Variants in DOK6 observed in about 807,000 individuals in gnomAD.
DOK6 encodes the protein downstream of tyrosine kinase 6.
In DOK6, 22 loss-of-function variants were observed where a neutral mutation model predicts 44.0. That is an observed-to-expected ratio of 0.50 (90% CI 0.36 to 0.71). DOK6 has a LOEUF of 0.71. Among genes scored for constraint, DOK6 ranks in the 30% least tolerant of loss-of-function variants. The probability of loss-of-function intolerance (pLI) is 0.00; values close to 1 mark genes in which losing one functional copy is unlikely to be tolerated. For synonymous variants in DOK6, 166 were observed against 145.5 expected (o/e 1.14, Z -1.01); for missense variants, 340 against 416.4 (o/e 0.82, Z 1.60).
intron 5 of DOK6, among the ~76,000 whole-genome samples, chr18:69,736,831 A>G (rs1048017410): frequency 6.6e-6 from 1 of 152,294 alleles, no homozygotes; most frequent in South Asian, 2.1e-4. Context: ...CTCATCTTCA[A>G]TGAAATGGTG....
At chr18:69,625,280 A>G (rs1644784799) in intron 3 of DOK6, among the ~76,000 whole-genome samples, 1 of 152,138 alleles carries the variant, frequency 6.6e-6, no homozygotes, top group Non-Finnish European at 1.5e-5. Context: ...TTAACACCCT[A>G]AGAGGAGCAT....
intron 1 of DOK6, among the ~76,000 whole-genome samples, chr18:69,529,379 T>A (rs1365527217): frequency 6.6e-6 from 1 of 152,190 alleles, no homozygotes; most frequent in African/African-American, 2.4e-5. Flanking sequence ...CTTCATCTCA[T>A]ATTTTTGACT....
chr18:69,439,132 T>A (rs1485540690), intron 1 of DOK6, among the ~76,000 whole-genome samples: 1 of 151,770 alleles, frequency 6.6e-6, no homozygotes, highest in African/African-American at 2.4e-5. Flanking sequence ...TAACCAGGTA[T>A]ATTGTCAATG....
At chr18:69,815,435 T>C (rs2145119546) in intron 7 of DOK6, among the ~76,000 whole-genome samples, 1 of 152,288 alleles carries the variant, frequency 6.6e-6, no homozygotes, top group Non-Finnish European at 1.5e-5. Flanking sequence ...TAGAGATAGG[T>C]GCTAAAATTT....
At chr18:69,606,217 A>T (rs1282657192) in intron 3 of DOK6, among the ~76,000 whole-genome samples, 1 of 151,784 alleles carries the variant, frequency 6.6e-6, no homozygotes, top group African/African-American at 2.4e-5. Context: ...GGTTGCAGTA[A>T]GCTGAGATCA....
At chr18:69,490,573 A>G (rs778833011) in intron 1 of DOK6, among the ~76,000 whole-genome samples, 15 of 152,288 alleles carry the variant, frequency 9.8e-5, no homozygotes, top group Non-Finnish European at 2.1e-4. Context: ...ATACTTTTTT[A>G]TTACGTAATA....
Position 69,501,914 on chromosome 18 carries a change from TTATTG to T in DOK6, c.67-62567_67-62563del, listed in dbSNP as rs1981059955. 2.0e-5 allele frequency among the ~76,000 whole-genome samples: 3 copies of T among 152,142 alleles called. No homozygotes were observed. In the South Asian group the frequency reaches 6.2e-4, roughly 31 times the overall value. ...TTTCATTGTTATTATGATCACATCC[TTATTG>T]TATTGATTGTGTAGGAAACAGAAAC... On this transcript the variant is annotated intron_variant, in intron 1 of 7. Transcript: ENST00000382713.
At chr18:69,462,668 T>C (rs891070090) in intron 1 of DOK6, among the ~76,000 whole-genome samples, 1 of 152,230 alleles carries the variant, frequency 6.6e-6, no homozygotes, top group African/African-American at 2.4e-5. Flanking sequence ...AAAAATGTTT[T>C]TATACAGCAT....
At chr18:69,553,730 C>T (rs543365526) in intron 1 of DOK6, among the ~76,000 whole-genome samples, 1 of 152,338 alleles carries the variant, frequency 6.6e-6, no homozygotes, top group East Asian at 1.9e-4. Flanking sequence ...TACATACTCA[C>T]TCCAGACTCC....
At chr18:69,657,916 T>A (rs1203401560) in intron 3 of DOK6, among the ~76,000 whole-genome samples, 1 of 151,802 alleles carries the variant, frequency 6.6e-6, no homozygotes, top group Non-Finnish European at 1.5e-5. Context: ...TGGTTTTGGG[T>A]GGGTTTTTGT....
chr18:69,749,853 A>C (rs1326183991), intron 6 of DOK6, among the ~76,000 whole-genome samples: 1 of 151,542 alleles, frequency 6.6e-6, no homozygotes, highest in Non-Finnish European at 1.5e-5. Flanking sequence ...AGGCAGGAGA[A>C]TTGCTTGAAC....
At chr18:69,520,009 G>T (rs1000602213) in intron 1 of DOK6, among the ~76,000 whole-genome samples, 1 of 151,650 alleles carries the variant, frequency 6.6e-6, no homozygotes, top group African/African-American at 2.4e-5. Context: ...GGCACTGTTA[G>T]CCTGAGCAGC....
chr18:69,476,279 T>C (rs1980259150), intron 1 of DOK6, among the ~76,000 whole-genome samples: 1 of 152,230 alleles, frequency 6.6e-6, no homozygotes, highest in Non-Finnish European at 1.5e-5. Context: ...TTTTGTTTTC[T>C]GGGTATACAG....
At chr18:69,741,229 CCAT>C (rs1978787984) in intron 6 of DOK6, among the ~76,000 whole-genome samples, 1 of 152,206 alleles carries the variant, frequency 6.6e-6, no homozygotes, top group South Asian at 2.1e-4. Context: ...ATCAGAGACT[CCAT>C]CACTTGGCCC....
At chr18:69,660,543 G>A (rs1223472521) in intron 3 of DOK6, 1 of 151,928 alleles carries the variant, frequency 6.6e-6, no homozygotes, top group African/African-American at 2.4e-5. Flanking sequence ...GATTTAGCAG[G>A]ATTAACATCT....
At chr18:69,449,888 T>G (rs944293438) in intron 1 of DOK6, among the ~76,000 whole-genome samples, 77 of 150,058 alleles carry the variant, frequency 5.1e-4, no homozygotes, top group African/African-American at 1.9e-3. Context: ...AGAAAGGACA[T>G]CCACACCGAA....
In DOK6 at chr18:69,847,769, A is replaced by ACATATAT. The variant is rs537425849; in HGVS notation, c.*6386_*6387insCATATAT. The ACATATAT allele has an allele frequency of 2.4e-3, 98 of 40,358 alleles. No individual in the cohort carries two copies. Among genetic ancestry groups the ACATATAT allele is most frequent in the African/African-American group, 5.0e-3 (93 of 18,436 alleles). 2.5% of individuals were successfully genotyped at this position (40,358 alleles called of 1,614,324 possible). A position where few individuals can be genotyped will look rare whatever the true frequency, so the allele number is the denominator to read the frequency against. The stretch of plus-strand genomic sequence containing the variant: ...AAATAATGCTTACTCTTGTAAAAAA[A>ACATATAT]AAAAATATATATATATGTATCAGCA... On this transcript the variant is annotated 3_prime_UTR_variant, in exon 8 of 8. Transcript: ENST00000382713.
chr18:69,407,698 A>T (rs1463881215), intron 1 of DOK6, among the ~76,000 whole-genome samples: 1 of 152,222 alleles, frequency 6.6e-6, no homozygotes, highest in African/African-American at 2.4e-5. Flanking sequence ...TTTTGCTATA[A>T]GCAAGAGCAG....
intron 5 of DOK6, among the ~76,000 whole-genome samples, chr18:69,726,745 G>T (rs1599289159): frequency 6.6e-6 from 1 of 151,772 alleles, no homozygotes; most frequent in Non-Finnish European, 1.5e-5. Context: ...ACCAGATTTG[G>T]TGTCTGATGG....
Sources: gnomAD v4.1 joint callset for allele counts (sites outside exome capture counted in the v4.1 genomes callset) on GRCh38, gnomAD v4.1.1 for gene constraint, MANE v1.5 for transcripts, NCBI Gene and HGNC (gene_info 2026-07-23, HGNC 2026-07-21) for gene names.